Variants in CPLANE1 observed in about 807,000 individuals in gnomAD.
CPLANE1 encodes the protein ciliogenesis and planar polarity effector complex subunit 1.
A neutral mutation model predicts 362.5 loss-of-function variants in CPLANE1; 263 were observed. The observed-to-expected ratio is 0.73, with a 90% CI of 0.66 to 0.80. CPLANE1 has a LOEUF of 0.80. CPLANE1 is among the 30% of genes least tolerant of loss of function. CPLANE1 has a pLI of 0.00. For synonymous variants in CPLANE1, 1,212 were observed against 1,302.6 expected (o/e 0.93, Z 1.50); for missense variants, 3,461 against 3,793.4 (o/e 0.91, Z 2.30).
intron 6 of CPLANE1, among the ~76,000 whole-genome samples, chr5:37,241,623 TTTTA>T (rs1251365943): frequency 6.6e-6 from 1 of 152,086 alleles, no homozygotes; most frequent in Non-Finnish European, 1.5e-5. Context: ...GTTTATCTTA[TTTTA>T]TTTATTTATT....
chr5:37,148,577 A>C (rs1440618954), intron 42 of CPLANE1, among the ~76,000 whole-genome samples: 1 of 152,180 alleles, frequency 6.6e-6, no homozygotes, highest in Non-Finnish European at 1.5e-5. Context: ...AGAGAGATTC[A>C]ATGACTTTTT....
intron 12 of CPLANE1, among the ~76,000 whole-genome samples, chr5:37,226,092 G>T (rs574508145): frequency 6.6e-6 from 1 of 152,108 alleles, no homozygotes; most frequent in South Asian, 2.1e-4. Context: ...CTATAATGCT[G>T]AGTGCTAACA....
chr5:37,215,833 T>A (rs532595206), intron 15 of CPLANE1, among the ~76,000 whole-genome samples: 103 of 151,786 alleles, frequency 6.8e-4, no homozygotes, highest in African/African-American at 2.4e-3. Context: ...TTTTTCTTTT[T>A]TTCTTTTTTG....
In CPLANE1 at chr5:37,211,753, G is replaced by A; in HGVS notation, c.2920+1806C>T. ...TCCAGCCCTCCGGAGCAGAAAGCGG[G>A]TCTTTACTGGAGACAAAATGAACTT... On this transcript the variant is annotated intron_variant, in intron 16 of 52. Transcript: ENST00000651892. The A allele has an allele frequency of 6.4e-6, 5 of 784,224 alleles. 1 individual carries two copies. The South Asian group carries it at 6.7e-5, about 11-fold the overall frequency. 48.6% of individuals were successfully genotyped at this position (784,224 alleles called of 1,614,324 possible).
chr5:37,187,402 C>A lies in CPLANE1; in HGVS notation c.4080+12G>T. ...TTCTGATGTAGTTTACTTTCACCTA[C>A]AAGCACATTACCTTTCTGATTGGTG... is the stretch of plus-strand genomic sequence containing the variant. On this transcript the variant is annotated intron_variant, in intron 23 of 52. Transcript: ENST00000651892. 1 of 1,595,220 alleles carries A rather than the reference C, an allele frequency of 6.3e-7. No homozygotes were observed. The highest frequency in any genetic ancestry group is 8.5e-7 in the Non-Finnish European group (1 of 1,172,910).
intron 43 of CPLANE1, among the ~76,000 whole-genome samples, chr5:37,146,248 G>A (rs1009835454): frequency 1.3e-5 from 2 of 151,724 alleles, no homozygotes; most frequent in South Asian, 2.1e-4. Flanking sequence ...GCATGATCTC[G>A]ACTCACTGCA....
rs1763855982 is a variant in CPLANE1 at position 37,125,396 on chromosome 5, A to G, written c.8806T>C (p.Ser2936Pro). 6.2e-7 allele frequency: 1 copy of G among 1,612,270 alleles called. No homozygotes were observed. The highest frequency in any genetic ancestry group is 1.3e-5 in the African/African-American group (1 of 74,822). The change falls in exon 47 of 53, where the codon TCT becomes CCT. Residue 2936 changes from serine to proline, a missense_variant. Ser to Pro is a moderately conservative substitution (Grantham distance 74). Transcript: ENST00000651892. ...AMGTSRIQHYSGRHSQRTDKE... is the reference protein window; with the variant it reads ...AMGTSRIQHYPGRHSQRTDKE... Reference sequence around the variant, plus strand: ...TCAGTTCTTTGTGAATGTCTGCCAGAATAATGCTGAATTCTGAGAAATTTA... The same window carrying G: ...TCAGTTCTTTGTGAATGTCTGCCAGGATAATGCTGAATTCTGAGAAATTTA...
chr5:37,122,825 G>C lies in CPLANE1; in HGVS notation c.8959-337C>G, dbSNP rs569139614. 5.4e-4 allele frequency among the ~76,000 whole-genome samples: 82 copies of C among 152,144 alleles called. No homozygotes were observed. The Middle Eastern group carries it at 0.01, about 19-fold the overall frequency. ...CTACCTGGGAGGCGGAGGCTGCAGT[G>C]AGCTGAGATAGCGCCACTGCACTCC... is the stretch of plus-strand genomic sequence containing the variant. On this transcript the variant is annotated intron_variant, in intron 47 of 52. Coordinates refer to ENST00000651892, the MANE Select transcript of CPLANE1 (RefSeq NM_001384732.1).
At position 37,181,129 on chromosome 5, in the gene CPLANE1, A is replaced by T. The variant is rs984806016; in HGVS notation, c.5422-124T>A. 1.2e-5 allele frequency: 10 copies of T among 856,292 alleles called. No homozygotes were observed. In the African/African-American group the frequency reaches 1.5e-4, roughly 13 times the overall value. The allele number at this position is 856,292 out of a possible 1,614,324, so 53.0% of individuals were successfully genotyped here. A position where few individuals can be genotyped will look rare whatever the true frequency, so the allele number is the denominator to read the frequency against. ...CCTCTTATTCATTTATCAAATATTT[A>T]CTGCATTTCTACAACTCAATATTTG... On this transcript the variant is annotated intron_variant, in intron 26 of 52. Coordinates refer to ENST00000651892, the MANE Select transcript of CPLANE1 (RefSeq NM_001384732.1).
At chr5:37,108,516 C>G in intron 51 of CPLANE1, 45 bp from the exon 52 acceptor site, 1 of 1,494,684 alleles carries the variant, frequency 6.7e-7, no homozygotes. Context: ...TTGATTCATT[C>G]ATTCATTCAT....
chr5:37,157,007 C>A (rs1775304278), intron 41 of CPLANE1, among the ~76,000 whole-genome samples: 2 of 152,202 alleles, frequency 1.3e-5, no homozygotes, highest in South Asian at 4.1e-4. Context: ...GAGAATTTCC[C>A]ACCTTTTACA....
At chr5:37,214,010 TGGA>T (rs1440276269) in intron 15 of CPLANE1, among the ~76,000 whole-genome samples, 2 of 152,090 alleles carry the variant, frequency 1.3e-5, no homozygotes, top group Non-Finnish European at 2.9e-5. Flanking sequence ...GAAAATGTTT[TGGA>T]GATTTGTGAC....
chr5:37,211,841 A>G, intron 16 of CPLANE1: 1 of 797,972 alleles, frequency 1.3e-6, no homozygotes, highest in Non-Finnish European at 2.3e-6. Flanking sequence ...AGGAATTTGA[A>G]TCATCTTTTG....
At chr5:37,128,867 A>C (rs925019386) in intron 46 of CPLANE1, among the ~76,000 whole-genome samples, 13 of 141,434 alleles carry the variant, frequency 9.2e-5, no homozygotes, top group Admixed American at 6.1e-4. Context: ...AAAAAAAAAC[A>C]AAAAAAAAAT....
At chr5:37,107,806 C>T (rs373870018) in intron 52 of CPLANE1, 28 bp from the exon 53 acceptor site, 10 of 1,530,322 alleles carry the variant, frequency 6.5e-6, no homozygotes, top group Non-Finnish European at 8.8e-6. Flanking sequence ...CAATTGTGGT[C>T]CTAGCCCCTA....
intron 52 of CPLANE1, 111 bp downstream of exon 52, chr5:37,108,182 G>C: frequency 9.7e-7 from 1 of 1,034,310 alleles, no homozygotes; most frequent in Non-Finnish European, 1.4e-6. Context: ...CAACTTTTCA[G>C]TATTTCCACA....
rs1404945116 is a variant in CPLANE1 at position 37,206,245 on chromosome 5, A to G, written c.3101T>C (p.Ile1034Thr). 1.3e-6 allele frequency: 2 copies of G among 1,551,846 alleles called. No individual in the cohort carries two copies. Among genetic ancestry groups the G allele is most frequent in the Non-Finnish European group, 1.7e-6 (2 of 1,147,024 alleles). Residue 1034 changes from isoleucine to threonine, a missense_variant, in exon 17 of 53, where the codon ATT becomes ACT. By Grantham distance (89) the Ile-to-Thr change is moderately conservative. Around this residue, in one of 2 missense-constraint regions of CPLANE1, gnomAD observed 3,380 missense variants for 3,666.1 expected, o/e 0.92. Transcript: ENST00000651892. ...KLGDWKTSVS[I>T]GVAFQLFCKR... The stretch of plus-strand genomic sequence containing the variant: ...ACAGAACAGCTGGAAAGCCACACCA[A>G]TTGAAACAGACGTCTTCCAGTCTCC...
chr5:37,140,574 A>G (rs1393667722), intron 44 of CPLANE1: 1 of 985,300 alleles, frequency 1.0e-6, no homozygotes, highest in African/African-American at 1.7e-5. Context: ...CATTAAAGAG[A>G]CACTTTCTAT....
chr5:37,147,818 C>A (rs144544968), intron 43 of CPLANE1, among the ~76,000 whole-genome samples: 1 of 151,910 alleles, frequency 6.6e-6, no homozygotes, highest in Non-Finnish European at 1.5e-5. Context: ...AATTCCAGCT[C>A]AGCTGATGAT....
Sources: allele counts gnomAD v4.1 joint callset (sites outside exome capture counted in the v4.1 genomes callset), GRCh38; gene constraint gnomAD v4.1.1; regional missense constraint gnomAD v4.1.1; transcripts MANE v1.5; gene names NCBI Gene and HGNC (gene_info 2026-07-23, HGNC 2026-07-21).